Variants in PODXL2 observed in about 807,000 individuals in gnomAD.
PODXL2 encodes the protein podocalyxin-like protein 2.
Under a neutral mutation model 53.4 loss-of-function variants are expected in PODXL2, and 17 were observed. The ratio of observed to expected loss-of-function variants is 0.32; its 90% CI spans 0.22 to 0.48. The LOEUF is 0.48. Ranked by LOEUF, PODXL2 falls within the 20% of genes least tolerant of loss-of-function variation. The pLI is 0.99. For synonymous variants in PODXL2, 311 were observed against 306.7 expected, an observed-to-expected ratio of 1.01 and a Z score of -0.15; for missense variants, 673 against 760.0, an observed-to-expected ratio of 0.89 and a Z score of 1.35.
intron 6 of PODXL2, 49 bp from the exon 7 acceptor site, chr3:127,671,385 A>C: frequency 3.9e-6 from 6 of 1,544,950 alleles, no homozygotes; most frequent in South Asian, 1.1e-5. Context: ...CAGAGGAGCC[A>C]TGGCACCCCA....
At chr3:127,641,944 C>T (rs1350474571) in intron 2 of PODXL2, among the ~76,000 whole-genome samples, 2 of 152,152 alleles carry the variant, frequency 1.3e-5, no homozygotes, top group Admixed American at 6.5e-5. Context: ...CACATTTTCG[C>T]ACCTTCCTGG....
intron 2 of PODXL2, 104 bp from the exon 3 acceptor site, chr3:127,660,274 C>T: frequency 6.9e-7 from 1 of 1,454,092 alleles, no homozygotes; most frequent in South Asian, 1.3e-5. Flanking sequence ...ATGACCCCTG[C>T]CCTGTCAGTG....
At chr3:127,659,050 A>G (rs923677399) in intron 2 of PODXL2, among the ~76,000 whole-genome samples, 12 of 152,166 alleles carry the variant, frequency 7.9e-5, no homozygotes, top group Admixed American at 7.9e-4. Context: ...AATATCAACT[A>G]TTGACTTTCA....
Position 127,655,975 on chromosome 3 carries a change from A to G in PODXL2, c.350-4403A>G, listed in dbSNP as rs530440301. 2.4e-4 allele frequency among the ~76,000 whole-genome samples: 36 copies of G among 152,362 alleles called. No individual in the cohort carries two copies. The South Asian group carries it at 7.2e-3, about 31-fold the overall frequency. On this transcript the variant is annotated intron_variant, in intron 2 of 7. Coordinates refer to ENST00000342480, the MANE Select transcript of PODXL2 (RefSeq NM_015720.4). The stretch of plus-strand genomic sequence containing the variant: ...GTAAAGAAGTCTGTGCAGTGACGGG[A>G]GGGCCTCTTACCCCTTGGAGGCACA...
In PODXL2 at chr3:127,672,483, G is replaced by T. The variant is rs1209996937; in HGVS notation, c.*3G>T. 36 of 1,484,056 alleles carry T rather than the reference G, an allele frequency of 2.4e-5. No individual in the cohort carries two copies. The highest frequency in any genetic ancestry group is 3.1e-5 in the Non-Finnish European group (35 of 1,117,358). 91.9% of individuals were successfully genotyped at this position (1,484,056 alleles called of 1,614,324 possible). ...TCGAGGAGGACACGCACCTGTGAGC[G>T]CAGCCGAGGCGCAGGCCGAGTGGGC... On this transcript the variant is annotated 3_prime_UTR_variant, in exon 8 of 8. Transcript: ENST00000342480.
intron 1 of PODXL2, among the ~76,000 whole-genome samples, chr3:127,637,136 T>TG (rs2074582466): frequency 6.6e-6 from 1 of 152,132 alleles, no homozygotes; most frequent in Non-Finnish European, 1.5e-5. Flanking sequence ...ATCCTCTAGT[T>TG]ATGATGATAC....
intron 4 of PODXL2, chr3:127,665,991 C>A: frequency 2.2e-6 from 1 of 453,748 alleles, no homozygotes; most frequent in Non-Finnish European, 4.4e-6. Flanking sequence ...CTTCTAGGCC[C>A]TTCTAGAAGA....
At chr3:127,658,124 G>A (rs1465546477) in intron 2 of PODXL2, among the ~76,000 whole-genome samples, 1 of 152,052 alleles carries the variant, frequency 6.6e-6, no homozygotes, top group Non-Finnish European at 1.5e-5. Context: ...AGAGGGGGAG[G>A]ATCTGCTACT....
rs116690050 is a variant in PODXL2 at position 127,635,010 on chromosome 3, A to G, written c.71-4235A>G. Among the ~76,000 whole-genome samples, 682 of 152,272 alleles carry G rather than the reference A, an allele frequency of 4.5e-3. 10 individuals carry two copies. The highest frequency in any genetic ancestry group is 0.016 in the African/African-American group (652 of 41,550). ...AGGCGTCTCTCATGTCTACACATCT[A>G]TGTTTCTGTATCGTCTCTGCTGTTT... On this transcript the variant is annotated intron_variant, in intron 1 of 7. Transcript: ENST00000342480.
chr3:127,658,341 T>A (rs2074738445), intron 2 of PODXL2, among the ~76,000 whole-genome samples: 1 of 152,002 alleles, frequency 6.6e-6, no homozygotes, highest in East Asian at 1.9e-4. Context: ...CCAGGCTTAC[T>A]GCACAGTTTC....
At chr3:127,632,768 C>T (rs1177682558) in intron 1 of PODXL2, among the ~76,000 whole-genome samples, 1 of 152,216 alleles carries the variant, frequency 6.6e-6, no homozygotes, top group African/African-American at 2.4e-5. Flanking sequence ...CAAAGCCTGT[C>T]TCTTGTTCAT....
chr3:127,631,420 C>T (rs2074545112), intron 1 of PODXL2, among the ~76,000 whole-genome samples: 1 of 151,992 alleles, frequency 6.6e-6, no homozygotes, highest in Non-Finnish European at 1.5e-5. Flanking sequence ...GTTTTTTTCA[C>T]CTCCCCAAAT....
intron 2 of PODXL2, among the ~76,000 whole-genome samples, chr3:127,647,073 G>T (rs934564810): frequency 6.6e-6 from 1 of 152,136 alleles, no homozygotes; most frequent in African/African-American, 2.4e-5. Context: ...TCTGCTTGGT[G>T]GATAATGAGC....
chr3:127,641,055 G>A (rs1342427577), intron 2 of PODXL2, among the ~76,000 whole-genome samples: 18 of 152,054 alleles, frequency 1.2e-4, no homozygotes, highest in Admixed American at 1.2e-3. Context: ...GGGATTACAG[G>A]CATGCGCCAT....
intron 2 of PODXL2, among the ~76,000 whole-genome samples, chr3:127,659,927 C>T (rs2074752782): frequency 6.6e-6 from 1 of 152,206 alleles, no homozygotes; most frequent in African/African-American, 2.4e-5. Context: ...TGAGAGGGCT[C>T]TCAGACCTCC....
At chr3:127,652,072 C>G (rs529331834) in intron 2 of PODXL2, among the ~76,000 whole-genome samples, 101 of 152,286 alleles carry the variant, frequency 6.6e-4, no homozygotes, top group African/African-American at 2.3e-3. Context: ...AAGCCAAGCC[C>G]GGGTGCTGGA....
At chr3:127,634,163 C>T (rs868570238) in intron 1 of PODXL2, among the ~76,000 whole-genome samples, 1 of 152,118 alleles carries the variant, frequency 6.6e-6, no homozygotes, top group African/African-American at 2.4e-5. Flanking sequence ...CAGTGGCTCA[C>T]GCCTGTAATC....
chr3:127,667,335 T>G (rs2074799570), intron 4 of PODXL2, among the ~76,000 whole-genome samples: 1 of 152,028 alleles, frequency 6.6e-6, no homozygotes, highest in South Asian at 2.1e-4. Flanking sequence ...GCTGGCCTGG[T>G]GAGATGCTCG....
At chr3:127,650,513 G>C (rs182152788) in intron 2 of PODXL2, among the ~76,000 whole-genome samples, 1 of 152,278 alleles carries the variant, frequency 6.6e-6, no homozygotes, top group East Asian at 1.9e-4. Context: ...TGCCACTGGA[G>C]TGGAGAAACC....
Sources: allele counts gnomAD v4.1 joint callset (sites outside exome capture counted in the v4.1 genomes callset), GRCh38; gene constraint gnomAD v4.1.1; transcripts MANE v1.5; gene names NCBI Gene and HGNC (gene_info 2026-07-23, HGNC 2026-07-21).